Variants in RBFOX3 observed in about 807,000 individuals in gnomAD.
RBFOX3 encodes the protein RNA binding protein fox-1 homolog 3.
Under a neutral mutation model 48.7 loss-of-function variants are expected in RBFOX3, and 17 were observed. The observed-to-expected ratio is 0.35, with a 90% CI of 0.24 to 0.52. The LOEUF (loss-of-function observed/expected upper bound fraction) is 0.52. Among genes scored for constraint, RBFOX3 ranks in the 20% least tolerant of loss-of-function variants. The probability of loss-of-function intolerance (pLI) is 0.94; values close to 1 mark genes in which losing one functional copy is unlikely to be tolerated. For synonymous variants in RBFOX3, 212 were observed against 209.5 expected, an observed-to-expected ratio of 1.01 and a Z score of -0.10; for missense variants, 382 against 497.5, an observed-to-expected ratio of 0.77 and a Z score of 2.21.
rs1003575649 is a variant in RBFOX3 at position 79,212,557 on chromosome 17, A to T, written c.-34+23209T>A. On this transcript the variant is annotated intron_variant, in intron 4 of 14. Transcript: ENST00000693108. This position sits in a 1 kb window ranked among gnomAD's most constrained non-coding sequence, Gnocchi z 4.7. ...ACTTCCTTCCTTGTTCTTCATAAAG[A>T]GTAGATTTCAGAGCAACTTAACTTC... Among the ~76,000 whole-genome samples the T allele has an allele frequency of 6.6e-6, 1 of 152,194 alleles. No individual in the cohort carries two copies. Among genetic ancestry groups the T allele is most frequent in the African/African-American group, 2.4e-5 (1 of 41,452 alleles).
intron 3 of RBFOX3, among the ~76,000 whole-genome samples, chr17:79,279,570 C>G (rs1418547162): frequency 6.6e-6 from 1 of 152,208 alleles, no homozygotes; most frequent in Non-Finnish European, 1.5e-5. Flanking sequence ...TCCAAATAAC[C>G]TATGTGCCAG....
the RBFOX3 span, among the ~76,000 whole-genome samples, chr17:79,620,495 G>GCA: frequency 3.8e-5 from 5 of 130,908 alleles, 1 homozygote; most frequent in African/African-American, 1.8e-4. Flanking sequence ...GTGCACACAC[G>GCA]CGCACACACA....
chr17:79,619,916 G>C, the RBFOX3 span, among the ~76,000 whole-genome samples: 7 of 152,174 alleles, frequency 4.6e-5, no homozygotes, highest in Non-Finnish European at 8.8e-5. Flanking sequence ...CTGGAGTAAC[G>C]AAAAATAACA....
At chr17:79,309,696 T>C (rs947778496) in intron 2 of RBFOX3, among the ~76,000 whole-genome samples, 4 of 152,170 alleles carry the variant, frequency 2.6e-5, no homozygotes, top group South Asian at 2.1e-4. Context: ...GGGAGGGACC[T>C]GGTGGGAGGT....
chr17:79,194,416 G>A (rs548772350), intron 4 of RBFOX3, among the ~76,000 whole-genome samples: 268 of 152,210 alleles, frequency 1.8e-3, no homozygotes, highest in Non-Finnish European at 3.3e-3. Flanking sequence ...AGACCAGCCT[G>A]GCCAACATGG....
intron 1 of RBFOX3, among the ~76,000 whole-genome samples, chr17:79,547,788 C>T (rs1414202448): frequency 4.6e-5 from 7 of 152,334 alleles, no homozygotes; most frequent in East Asian, 3.9e-4. Flanking sequence ...CACACCACAG[C>T]CCCTCTCCCT....
At chr17:79,113,473 T>C (rs2032804502) in intron 5 of RBFOX3, among the ~76,000 whole-genome samples, 1 of 152,070 alleles carries the variant, frequency 6.6e-6, no homozygotes, top group African/African-American at 2.4e-5. Flanking sequence ...ACCATGACCC[T>C]GAACCCTCTG....
intron 4 of RBFOX3, among the ~76,000 whole-genome samples, chr17:79,126,290 C>T (rs987363814): frequency 2.6e-5 from 4 of 152,226 alleles, no homozygotes; most frequent in African/African-American, 9.7e-5. Flanking sequence ...TGTCCACTTC[C>T]AGAGTCTGGG....
intron 2 of RBFOX3, among the ~76,000 whole-genome samples, chr17:79,399,837 A>G (rs1003872239): frequency 2.0e-5 from 3 of 152,206 alleles, no homozygotes; most frequent in Non-Finnish European, 4.4e-5. Flanking sequence ...GCCGCTGGAA[A>G]GAATGCTGGC....
rs1386384599 is a variant in RBFOX3, at chr17:79,242,973, G to A, written c.-73-7168C>T. Among the ~76,000 whole-genome samples the A allele has an allele frequency of 1.3e-5, 2 of 152,168 alleles. No homozygotes were observed. Among genetic ancestry groups the A allele is most frequent in the South Asian group, 2.1e-4 (1 of 4,828 alleles). On this transcript the variant is annotated intron_variant, in intron 3 of 14. Transcript: ENST00000693108. This position sits in a 1 kb window ranked among gnomAD's most constrained non-coding sequence, Gnocchi z 5.8. ...CTGCGTGGACACTGCTGTGGGCCCC[G>A]TGACAGCAGCATGCATGCCTAGCAC...
chr17:79,657,276 T>A, the RBFOX3 span, among the ~76,000 whole-genome samples: 1 of 152,098 alleles, frequency 6.6e-6, no homozygotes, highest in African/African-American at 2.4e-5. Flanking sequence ...TTGCAGCAGG[T>A]CTTTAAGCAT....
the RBFOX3 span, among the ~76,000 whole-genome samples, chr17:79,620,223 A>G: frequency 6.9e-6 from 1 of 145,958 alleles, no homozygotes; most frequent in Admixed American, 6.8e-5. Flanking sequence ...ACACAGGGAC[A>G]TGCACACACG....
chr17:79,513,644 C>T (rs2084830390), intron 1 of RBFOX3, among the ~76,000 whole-genome samples: 1 of 152,326 alleles, frequency 6.6e-6, no homozygotes, highest in East Asian at 1.9e-4. Flanking sequence ...CTCTTACCAG[C>T]CACGTGGCCT....
chr17:79,164,048 A>G (rs970026371), intron 4 of RBFOX3, among the ~76,000 whole-genome samples: 3 of 152,204 alleles, frequency 2.0e-5, no homozygotes, highest in African/African-American at 7.2e-5. Flanking sequence ...CACAGCTCAG[A>G]CAGAGGTGTG....
chr17:79,256,078 C>G (rs1421253992), intron 3 of RBFOX3, among the ~76,000 whole-genome samples: 1 of 151,898 alleles, frequency 6.6e-6, no homozygotes, highest in Non-Finnish European at 1.5e-5. Context: ...ACGGGAGGGG[C>G]TGACCTAGCA....
At chr17:79,330,833 C>T (rs548471079) in intron 2 of RBFOX3, among the ~76,000 whole-genome samples, 4 of 152,358 alleles carry the variant, frequency 2.6e-5, no homozygotes, top group Admixed American at 6.5e-5. Flanking sequence ...GAAGCCTTCC[C>T]TGACTCTGTG....
chr17:79,549,680 A>C (rs1254942887), intron 1 of RBFOX3, among the ~76,000 whole-genome samples: 5 of 152,030 alleles, frequency 3.3e-5, no homozygotes, highest in Non-Finnish European at 5.9e-5. Context: ...GAGACAAAGG[A>C]AGGCACAGCA....
intron 4 of RBFOX3, among the ~76,000 whole-genome samples, chr17:79,142,477 G>C (rs11869887): frequency 0.15 from 23,329 of 152,054 alleles, 2,957 homozygotes; most frequent in African/African-American, 0.35. Context: ...TCCTTGACGA[G>C]CCCTCCCCAG....
chr17:79,494,934 CA>C (rs1189557576), intron 1 of RBFOX3, among the ~76,000 whole-genome samples: 1 of 152,204 alleles, frequency 6.6e-6, no homozygotes, highest in Non-Finnish European at 1.5e-5. Flanking sequence ...TTCATCTGAA[CA>C]GGGAGCTGGG....
Sources: allele counts gnomAD v4.1 joint callset (sites outside exome capture counted in the v4.1 genomes callset), GRCh38; gene constraint gnomAD v4.1.1; non-coding constraint Gnocchi (gnomAD v3.1); transcripts MANE v1.5; gene names NCBI Gene and HGNC (gene_info 2026-07-23, HGNC 2026-07-21).